The following KCNIP4 variants were observed in gnomAD, a reference collection of about 807,000 sequenced individuals.
KCNIP4 encodes potassium voltage-gated channel interacting protein 4, also known as Kv channel-interacting protein 4.
Under a neutral mutation model 34.0 loss-of-function variants are expected in KCNIP4, and 12 were observed. That is an observed-to-expected ratio of 0.35 (90% CI 0.23 to 0.57). The LOEUF is 0.57. Ranked by LOEUF, KCNIP4 falls within the 20% of genes least tolerant of loss-of-function variation. The probability of loss-of-function intolerance (pLI) is 0.83; values close to 1 mark genes in which losing one functional copy is unlikely to be tolerated. For synonymous variants in KCNIP4, 124 were observed against 102.2 expected (o/e 1.21, Z -1.29); for missense variants, 238 against 311.7 (o/e 0.76, Z 1.78).
chr4:21,906,454 A>T (rs1223823734), intron 1 of KCNIP4, among the ~76,000 whole-genome samples: 1 of 152,188 alleles, frequency 6.6e-6, no homozygotes, highest in Non-Finnish European at 1.5e-5. Context: ...GGCAGCCACC[A>T]GACTCTGGAA....
At chr4:21,805,469 G>A (rs569295121) in intron 1 of KCNIP4, among the ~76,000 whole-genome samples, 1 of 152,178 alleles carries the variant, frequency 6.6e-6, no homozygotes, top group East Asian at 1.9e-4. Flanking sequence ...CATGTAAGAA[G>A]TGCCTTTCAT....
At position 21,466,435 on chromosome 4, in the gene KCNIP4, A is replaced by C. The variant is rs1229007360; in HGVS notation, c.61+482136T>G. ...GTTTTCCCCAAAATGAGCTGTTATA[A>C]TTAATCCTCTGTTATCTGGCATTTT... is the stretch of plus-strand genomic sequence containing the variant. On this transcript the variant is annotated intron_variant, in intron 1 of 8. Coordinates refer to ENST00000382152, the MANE Select transcript of KCNIP4 (RefSeq NM_025221.6). Among the ~76,000 whole-genome samples, 3 of 152,154 alleles carry C rather than the reference A, an allele frequency of 2.0e-5. No homozygotes were observed. In the East Asian group the frequency reaches 5.8e-4, roughly 29 times the overall value.
chr4:21,662,357 C>G (rs1748518224), intron 1 of KCNIP4, among the ~76,000 whole-genome samples: 1 of 152,310 alleles, frequency 6.6e-6, no homozygotes. Flanking sequence ...AGTTTACAAT[C>G]TGAATGCAGT....
chr4:21,803,440 G>A (rs1033714150), intron 1 of KCNIP4, among the ~76,000 whole-genome samples: 1 of 151,990 alleles, frequency 6.6e-6, no homozygotes, highest in Non-Finnish European at 1.5e-5. Flanking sequence ...AAAAATCTTT[G>A]TACAATGCAC....
At chr4:20,793,890 T>A (rs530623353) in intron 3 of KCNIP4, among the ~76,000 whole-genome samples, 1 of 152,090 alleles carries the variant, frequency 6.6e-6, no homozygotes, top group East Asian at 1.9e-4. Flanking sequence ...CCAAATCTCA[T>A]CTTGAACTGT....
chr4:21,595,791 C>T (rs1246376350), intron 1 of KCNIP4, among the ~76,000 whole-genome samples: 4 of 152,064 alleles, frequency 2.6e-5, no homozygotes, highest in African/African-American at 7.2e-5. Flanking sequence ...TTGCACAAAC[C>T]TAAATAGTAC....
chr4:21,679,967 G>A (rs1043914713), intron 1 of KCNIP4, among the ~76,000 whole-genome samples: 4 of 152,156 alleles, frequency 2.6e-5, no homozygotes, highest in African/African-American at 7.2e-5. Flanking sequence ...TGATCAGGAC[G>A]GTGGCTGCTG....
At chr4:20,776,762 T>A (rs1756405251) in intron 3 of KCNIP4, among the ~76,000 whole-genome samples, 1 of 152,198 alleles carries the variant, frequency 6.6e-6, no homozygotes, top group Non-Finnish European at 1.5e-5. Flanking sequence ...GCTTAACAAA[T>A]CTAGCTCATC....
chr4:21,276,123 C>T (rs375800492), intron 1 of KCNIP4, among the ~76,000 whole-genome samples: 6 of 152,302 alleles, frequency 3.9e-5, no homozygotes, highest in South Asian at 2.1e-4. Flanking sequence ...TCTGTCCAAC[C>T]GGGTAACAAA....
intron 1 of KCNIP4, among the ~76,000 whole-genome samples, chr4:21,133,725 A>G (rs777156135): frequency 2.6e-5 from 4 of 152,190 alleles, no homozygotes; most frequent in East Asian, 1.9e-4. Flanking sequence ...TGATTCTGCC[A>G]TAATTTCTTG....
intron 1 of KCNIP4, among the ~76,000 whole-genome samples, chr4:21,057,830 T>C (rs1172195954): frequency 6.6e-6 from 1 of 152,210 alleles, no homozygotes; most frequent in South Asian, 2.1e-4. Context: ...GATGAAAATA[T>C]ATGAAGACAT....
intron 1 of KCNIP4, among the ~76,000 whole-genome samples, chr4:21,381,006 G>T (rs1201039371): frequency 6.6e-6 from 1 of 152,138 alleles, no homozygotes; most frequent in Non-Finnish European, 1.5e-5. Flanking sequence ...TTTTTCATCT[G>T]AAGAGTCAAA....
intron 1 of KCNIP4, among the ~76,000 whole-genome samples, chr4:21,248,931 G>A (rs528340163): frequency 6.6e-6 from 1 of 152,294 alleles, no homozygotes; most frequent in East Asian, 1.9e-4. Flanking sequence ...TGCTTTCGCT[G>A]TTGTATCTCC....
intron 1 of KCNIP4, among the ~76,000 whole-genome samples, chr4:21,443,569 T>C (rs948799549): frequency 6.6e-5 from 10 of 152,174 alleles, no homozygotes; most frequent in Middle Eastern, 3.2e-3. Flanking sequence ...AAAGGTTTTC[T>C]GCAGAAGGAA....
intron 1 of KCNIP4, among the ~76,000 whole-genome samples, chr4:21,807,295 C>A (rs181058004): frequency 6.6e-6 from 1 of 152,138 alleles, no homozygotes; most frequent in African/African-American, 2.4e-5. Flanking sequence ...CCACAGACTG[C>A]GACTCGTCCA....
At chr4:21,378,189 G>A (rs137940499) in intron 1 of KCNIP4, among the ~76,000 whole-genome samples, 79 of 152,178 alleles carry the variant, frequency 5.2e-4, no homozygotes, top group African/African-American at 1.9e-3. Context: ...TAAACCTAGT[G>A]GAATACTCAC....
intron 1 of KCNIP4, among the ~76,000 whole-genome samples, chr4:21,019,386 A>T (rs544583647): frequency 3.2e-4 from 48 of 152,174 alleles, no homozygotes; most frequent in African/African-American, 1.2e-3. Flanking sequence ...TTGAACTCCT[A>T]ACCTCAGGTA....
intron 1 of KCNIP4, among the ~76,000 whole-genome samples, chr4:20,993,105 C>T (rs985427235): frequency 8.6e-5 from 13 of 150,368 alleles, no homozygotes; most frequent in South Asian, 8.4e-4. Flanking sequence ...GGGCATGGGT[C>T]ATGGTAGGCC....
intron 1 of KCNIP4, among the ~76,000 whole-genome samples, chr4:21,481,386 G>T (rs756753595): frequency 6.6e-5 from 10 of 152,210 alleles, no homozygotes; most frequent in Non-Finnish European, 1.2e-4. Flanking sequence ...AGGAAGGAAA[G>T]GGGACGCCTG....
Sources: gnomAD v4.1 joint callset for allele counts (sites outside exome capture counted in the v4.1 genomes callset) on GRCh38, gnomAD v4.1.1 for gene constraint, MANE v1.5 for transcripts, NCBI Gene and HGNC (gene_info 2026-07-23, HGNC 2026-07-21) for gene names.